Variants in MAN1A1 observed in about 807,000 individuals in gnomAD.
MAN1A1 encodes mannosidase alpha class 1A member 1.
A neutral mutation model predicts 70.8 loss-of-function variants in MAN1A1; 29 were observed. That is an observed-to-expected ratio of 0.41 (90% CI 0.31 to 0.56). The LOEUF (loss-of-function observed/expected upper bound fraction) is 0.56, where lower values mean the gene tolerates loss of function less well. Among genes scored for constraint, MAN1A1 ranks in the 20% least tolerant of loss-of-function variants. MAN1A1 has a pLI of 0.29. For synonymous variants in MAN1A1, 349 were observed against 330.1 expected, an observed-to-expected ratio of 1.06 and a Z score of -0.62; for missense variants, 747 against 841.3, an observed-to-expected ratio of 0.89 and a Z score of 1.39.
At chr6:119,304,115 C>T (rs960747489) in intron 3 of MAN1A1, among the ~76,000 whole-genome samples, 2 of 152,092 alleles carry the variant, frequency 1.3e-5, no homozygotes. Flanking sequence ...TGGCACATGC[C>T]TTTCAAATGC....
chr6:119,265,380 T>A (rs1433981719), intron 5 of MAN1A1, among the ~76,000 whole-genome samples: 3 of 152,196 alleles, frequency 2.0e-5, no homozygotes, highest in African/African-American at 7.2e-5. Flanking sequence ...ATCATAGGCA[T>A]GAGCCACTGA....
At chr6:119,252,763 G>A (rs965756022) in intron 5 of MAN1A1, among the ~76,000 whole-genome samples, 1 of 152,060 alleles carries the variant, frequency 6.6e-6, no homozygotes, top group Non-Finnish European at 1.5e-5. Context: ...CAGCTCTCCA[G>A]CCTGGTGACA....
chr6:119,211,029 G>A, intron 6 of MAN1A1: 2 of 376,398 alleles, frequency 5.3e-6, no homozygotes, highest in South Asian at 2.1e-5. Context: ...GCTTCAAGTT[G>A]GAATAGAAGC....
intron 5 of MAN1A1, chr6:119,269,218 T>C (rs919233545): frequency 3.9e-6 from 1 of 255,164 alleles, no homozygotes; most frequent in Admixed American, 5.4e-5. Context: ...CATAGCCTCA[T>C]AAGCTGCTTT....
rs887814999 is a variant in MAN1A1 at position 119,275,971 on chromosome 6, C to T, written c.897+14712G>A. Among the ~76,000 whole-genome samples the T allele has an allele frequency of 5.9e-5, 9 of 152,218 alleles. No homozygotes were observed. The East Asian group carries it at 9.7e-4, about 16-fold the overall frequency. On this transcript the variant is annotated intron_variant, in intron 5 of 12. Coordinates refer to ENST00000368468, the MANE Select transcript of MAN1A1 (RefSeq NM_005907.4). ...CAGTGTATCTACAATATGGAGATGACGTAATTACCCCAGTACTGATACTGT... is the reference window on the plus strand; with the variant it reads ...CAGTGTATCTACAATATGGAGATGATGTAATTACCCCAGTACTGATACTGT...
At chr6:119,195,722 T>A (rs922735199) in intron 8 of MAN1A1, among the ~76,000 whole-genome samples, 1 of 152,226 alleles carries the variant, frequency 6.6e-6, no homozygotes, top group Non-Finnish European at 1.5e-5. Context: ...AAAATTCTTC[T>A]ATGTCAACCT....
At chr6:119,208,602 C>T (rs1773953269) in intron 6 of MAN1A1, among the ~76,000 whole-genome samples, 1 of 152,142 alleles carries the variant, frequency 6.6e-6, no homozygotes, top group East Asian at 1.9e-4. Context: ...GCTTTATGTG[C>T]TTTTCCTCCT....
In MAN1A1 at chr6:119,309,773, CAACCCATTATTTT is replaced by C. The variant is rs568192844; in HGVS notation, c.604-2794_604-2782del. Among the ~76,000 whole-genome samples, 187 of 152,298 alleles carry C rather than the reference CAACCCATTATTTT, an allele frequency of 1.2e-3. 7 individuals are homozygous for C. In the South Asian group the frequency reaches 0.038, roughly 31 times the overall value. On this transcript the variant is annotated intron_variant, in intron 2 of 12. Transcript: ENST00000368468. The stretch of plus-strand genomic sequence containing the variant: ...ACAAAGGACCAAAATTTCATAATTG[CAACCCATTATTTT>C]AACCCAGAAAATATTAAATTGGGTA...
intron 4 of MAN1A1, among the ~76,000 whole-genome samples, chr6:119,299,078 T>C: frequency 6.6e-6 from 1 of 151,816 alleles, no homozygotes; most frequent in African/African-American, 2.4e-5. Flanking sequence ...ATGAGAAAAA[T>C]TTCTCAATGT....
In MAN1A1 at chr6:119,348,759, G is replaced by C. The variant is rs1358225220; in HGVS notation, c.307C>G (p.Arg103Gly). The change falls in exon 2 of 13, where the codon CGG (arginine) becomes GGG (glycine). Residue 103 changes from arginine (R) to glycine (G), a missense_variant. By Grantham distance (125) the Arg-to-Gly change is moderately radical (BLOSUM62 -2). Transcript: ENST00000368468. ...CCGGGTGCCCCCTCCTCGCGGCGCC[G>C]GGCTCGCCCCTCGGCCGCGTCCTCG... is the stretch of plus-strand genomic sequence containing the variant. ...RAEDAAEGRARRREEGAPGDP... is the reference protein window; with the variant it reads ...RAEDAAEGRAGRREEGAPGDP... 1 of 1,546,180 alleles carries C rather than the reference G, an allele frequency of 6.5e-7. No homozygotes were observed. The highest frequency in any genetic ancestry group is 1.4e-5 in the African/African-American group (1 of 70,514).
intron 5 of MAN1A1, among the ~76,000 whole-genome samples, chr6:119,255,718 G>C (rs1452277189): frequency 6.6e-6 from 1 of 152,200 alleles, no homozygotes; most frequent in African/African-American, 2.4e-5. Context: ...ACACCCAAGT[G>C]AATACCAGCT....
At chr6:119,331,549 C>T (rs1354981025) in intron 2 of MAN1A1, among the ~76,000 whole-genome samples, 6 of 133,552 alleles carry the variant, frequency 4.5e-5, no homozygotes, top group African/African-American at 1.4e-4. Flanking sequence ...TATACACGCA[C>T]ATAACCATGT....
chr6:119,266,072 T>C (rs934065008), intron 5 of MAN1A1, among the ~76,000 whole-genome samples: 7 of 151,906 alleles, frequency 4.6e-5, no homozygotes, highest in Non-Finnish European at 1.0e-4. Flanking sequence ...ATGTACAAGA[T>C]CCATATGAAG....
At chr6:119,336,135 T>C (rs1392669643) in intron 2 of MAN1A1, among the ~76,000 whole-genome samples, 1 of 152,192 alleles carries the variant, frequency 6.6e-6, no homozygotes, top group Non-Finnish European at 1.5e-5. Context: ...AGTGGCACAA[T>C]CTCGGTTCAC....
At chr6:119,254,101 A>G (rs1012158107) in intron 5 of MAN1A1, among the ~76,000 whole-genome samples, 1 of 152,222 alleles carries the variant, frequency 6.6e-6, no homozygotes, top group African/African-American at 2.4e-5. Context: ...TAGCTTGTAA[A>G]ATTAAAATTG....
chr6:119,320,107 G>T (rs1015598737), intron 2 of MAN1A1, among the ~76,000 whole-genome samples: 9 of 152,098 alleles, frequency 5.9e-5, no homozygotes, highest in African/African-American at 2.2e-4. Context: ...CCAAGTGGCT[G>T]GGACTACAGG....
chr6:119,332,677 C>T (rs1002654810), intron 2 of MAN1A1, among the ~76,000 whole-genome samples: 3 of 150,892 alleles, frequency 2.0e-5, no homozygotes, highest in African/African-American at 7.3e-5. Flanking sequence ...ATTAGCTGGG[C>T]GTGGTGGCGG....
chr6:119,333,879 C>T (rs961383586), intron 2 of MAN1A1, among the ~76,000 whole-genome samples: 1 of 152,128 alleles, frequency 6.6e-6, no homozygotes, highest in East Asian at 1.9e-4. Flanking sequence ...TGTAATTCTT[C>T]AGATCACAGG....
intron 2 of MAN1A1, among the ~76,000 whole-genome samples, chr6:119,340,352 T>A (rs1252018240): frequency 6.6e-6 from 1 of 152,200 alleles, no homozygotes; most frequent in Non-Finnish European, 1.5e-5. Context: ...CTCAGGAAGC[T>A]GGACATGCCA....
Sources: allele counts gnomAD v4.1 joint callset (sites outside exome capture counted in the v4.1 genomes callset), GRCh38; gene constraint gnomAD v4.1.1; transcripts MANE v1.5; gene names NCBI Gene and HGNC (gene_info 2026-07-23, HGNC 2026-07-21).